Variants in LOC128125817 observed in about 807,000 individuals in gnomAD.
At chr1:41,625,578 A>T in the LOC128125817 span, among the ~76,000 whole-genome samples, 1 of 152,152 alleles carries the variant, frequency 6.6e-6, no homozygotes, top group Non-Finnish European at 1.5e-5. Context: ...ATAAATGTCA[A>T]AAACTAGACA....
At chr1:41,602,032 T>G in the LOC128125817 span, among the ~76,000 whole-genome samples, 5 of 151,718 alleles carry the variant, frequency 3.3e-5, no homozygotes, top group African/African-American at 1.2e-4. Flanking sequence ...TCTGATAATG[T>G]GATGTATAAC....
chr1:41,597,973 T>A, the LOC128125817 span, among the ~76,000 whole-genome samples: 5 of 152,176 alleles, frequency 3.3e-5, no homozygotes, highest in Admixed American at 6.5e-5. Flanking sequence ...CCTACCTATC[T>A]CATTGTTTAT....
At chr1:41,614,334 C>T in the LOC128125817 span, among the ~76,000 whole-genome samples, 2 of 152,232 alleles carry the variant, frequency 1.3e-5, no homozygotes, top group South Asian at 4.1e-4. Context: ...AGTACCATTT[C>T]TGAGATGATC....
chr1:41,600,280 G>A, the LOC128125817 span, among the ~76,000 whole-genome samples: 1 of 152,104 alleles, frequency 6.6e-6, no homozygotes, highest in Non-Finnish European at 1.5e-5. Flanking sequence ...TGTTCATAGC[G>A]GCATGATTTA....
chr1:41,610,181 C>T, the LOC128125817 span, among the ~76,000 whole-genome samples: 1 of 152,130 alleles, frequency 6.6e-6, no homozygotes, highest in Admixed American at 6.5e-5. Context: ...ACACACACAC[C>T]ACACACATAC....
At chr1:41,603,511 C>T in the LOC128125817 span, among the ~76,000 whole-genome samples, 1 of 152,000 alleles carries the variant, frequency 6.6e-6, no homozygotes, top group Non-Finnish European at 1.5e-5. Context: ...AGGCACCTGC[C>T]ACCATGCCCA....
the LOC128125817 span, among the ~76,000 whole-genome samples, chr1:41,619,573 G>A: frequency 5.9e-5 from 9 of 152,290 alleles, no homozygotes; most frequent in Admixed American, 3.9e-4. Flanking sequence ...AAGTAGGGCC[G>A]AAGGTAAGGA....
At chr1:41,628,381 C>G in the LOC128125817 span, among the ~76,000 whole-genome samples, 13 of 152,296 alleles carry the variant, frequency 8.5e-5, no homozygotes, top group Middle Eastern at 0.01. Context: ...CTCTGGCTAT[C>G]AGGAGCACAC....
the LOC128125817 span, among the ~76,000 whole-genome samples, chr1:41,605,371 ACG>A: frequency 0.098 from 12,359 of 126,378 alleles, 1,096 homozygotes; most frequent in East Asian, 0.39. Flanking sequence ...ACACACGCAC[ACG>A]CGCACACACA....
chr1:41,603,787 T>C, the LOC128125817 span, among the ~76,000 whole-genome samples: 4 of 152,240 alleles, frequency 2.6e-5, no homozygotes, highest in Admixed American at 2.6e-4. Context: ...TTGAAAAGAA[T>C]GTGTATTCTG....
At chr1:41,604,788 A>C in the LOC128125817 span, among the ~76,000 whole-genome samples, 4 of 152,268 alleles carry the variant, frequency 2.6e-5, no homozygotes, top group East Asian at 1.9e-4. Flanking sequence ...AGGATAGGCG[A>C]AAAACCAATC....
chr1:41,611,636 C>T, the LOC128125817 span, among the ~76,000 whole-genome samples: 1 of 152,216 alleles, frequency 6.6e-6, no homozygotes, highest in African/African-American at 2.4e-5. Context: ...CCCATTTCAC[C>T]TCCACATGTG....
the LOC128125817 span, among the ~76,000 whole-genome samples, chr1:41,622,120 A>G: frequency 6.6e-6 from 1 of 152,224 alleles, no homozygotes; most frequent in African/African-American, 2.4e-5. Context: ...CTTACTGAGC[A>G]CCTGCAGAAA....
At chr1:41,622,534 A>G in the LOC128125817 span, among the ~76,000 whole-genome samples, 1 of 152,160 alleles carries the variant, frequency 6.6e-6, no homozygotes, top group African/African-American at 2.4e-5. Flanking sequence ...CTGGAACACA[A>G]CCACGCCCAT....
At chr1:41,598,825 A>ATTTATTTATTTATTTATTTAT in the LOC128125817 span, among the ~76,000 whole-genome samples, 3,384 of 151,400 alleles carry the variant, frequency 0.022, 67 homozygotes, top group South Asian at 0.041. Context: ...TTATTTATTT[A>ATTTATTTATTTATTTATTTAT]TTTATTTAGG....
the LOC128125817 span, among the ~76,000 whole-genome samples, chr1:41,589,464 G>A: frequency 6.6e-6 from 1 of 152,250 alleles, no homozygotes; most frequent in Admixed American, 6.5e-5. Context: ...AGTAATGGAG[G>A]AGCCCGGGGC....
At chr1:41,586,712 C>T in the LOC128125817 span, among the ~76,000 whole-genome samples, 1 of 152,180 alleles carries the variant, frequency 6.6e-6, no homozygotes, top group Non-Finnish European at 1.5e-5. Context: ...TCTTAAAGGG[C>T]AGGGCCCTCG....
chr1:41,591,210 C>T, the LOC128125817 span, among the ~76,000 whole-genome samples: 3 of 152,090 alleles, frequency 2.0e-5, no homozygotes, highest in Non-Finnish European at 4.4e-5. Flanking sequence ...CTGGGGTTAC[C>T]ATGTATGTAA....
chr1:41,600,233 T>C, the LOC128125817 span, among the ~76,000 whole-genome samples: 4 of 152,164 alleles, frequency 2.6e-5, no homozygotes, highest in African/African-American at 9.7e-5. Context: ...CTCAAAAGAA[T>C]TGAAATCAGA....
Sources: gnomAD v4.1 joint callset for allele counts (sites outside exome capture counted in the v4.1 genomes callset) on GRCh38, gnomAD v4.1.1 for gene constraint, MANE v1.5 for transcripts.